The following DOCK2 variants were observed in gnomAD, a reference collection of about 807,000 sequenced individuals.
The protein encoded by DOCK2 is dedicator of cytokinesis 2.
Under a neutral mutation model 248.9 loss-of-function variants are expected in DOCK2, and 87 were observed. The observed-to-expected ratio is 0.35, with a 90% CI of 0.29 to 0.42. DOCK2 has a LOEUF of 0.42. DOCK2 is among the 10% of genes least tolerant of loss of function. The pLI is 1.00. For missense variants in DOCK2, 1,747 were observed against 2,300.2 expected, an observed-to-expected ratio of 0.76 and a Z score of 4.92; for synonymous variants, 805 against 821.6, an observed-to-expected ratio of 0.98 and a Z score of 0.35.
At position 169,637,360 on chromosome 5, in the gene DOCK2, C is replaced by T; in HGVS notation, c.34C>T (p.His12Tyr). ...APWRKADKER[H>Y]GVAIYNFQGS... ...CTGGCGCAAAGCTGACAAGGAGCGG[C>T]ACGGCGTGGGTAGGTGCGGGCCCCA... Residue 12 changes from histidine to tyrosine, a missense_variant, in exon 1 of 52, where the codon CAC becomes TAC. Around this residue, in one of 4 missense-constraint regions of DOCK2, gnomAD observed 375 missense variants for 510.9 expected, o/e 0.73. Transcript: ENST00000520908. 1.4e-6 allele frequency: 2 copies of T among 1,430,196 alleles called. No individual in the cohort carries two copies. Among genetic ancestry groups the T allele is most frequent in the Admixed American group, 2.8e-5 (1 of 35,670 alleles). The allele number at this position is 1,430,196 out of a possible 1,614,324, so 88.6% of individuals were successfully genotyped here. A position where few individuals can be genotyped will look rare whatever the true frequency, so the allele number is the denominator to read the frequency against.
intron 27 of DOCK2, among the ~76,000 whole-genome samples, chr5:169,842,807 GCTCT>G (rs1377247296): frequency 6.6e-6 from 1 of 152,092 alleles, no homozygotes; most frequent in Non-Finnish European, 1.5e-5. Context: ...GTAGAGTGAG[GCTCT>G]CTGTCTTTTG....
intron 27 of DOCK2, among the ~76,000 whole-genome samples, chr5:169,858,677 G>T (rs1475576390): frequency 6.6e-6 from 1 of 152,180 alleles, no homozygotes; most frequent in African/African-American, 2.4e-5. Context: ...TGCAATGATT[G>T]CTTTGGCTGC....
chr5:170,026,677 CA>C (rs1755928911), intron 33 of DOCK2, among the ~76,000 whole-genome samples: 1 of 152,164 alleles, frequency 6.6e-6, no homozygotes, highest in Admixed American at 6.5e-5. Flanking sequence ...TGGGTGACTT[CA>C]AAACAATGCG....
intron 27 of DOCK2, among the ~76,000 whole-genome samples, chr5:169,966,111 G>C (rs1777288296): frequency 6.6e-6 from 1 of 152,226 alleles, no homozygotes; most frequent in Non-Finnish European, 1.5e-5. Flanking sequence ...ATACTTTGAA[G>C]TTGTAAGGCC....
rs76598831 is a variant in DOCK2, at chr5:169,720,196, T to C, written c.2267+1405T>C. 3.4e-3 allele frequency among the ~76,000 whole-genome samples: 518 copies of C among 152,328 alleles called. 26 individuals carry two copies. The East Asian group carries it at 0.08, about 24-fold the overall frequency. On this transcript the variant is annotated intron_variant, in intron 22 of 51. Transcript: ENST00000520908. ...AGTCGGGTATTCTAGGTTTGAGAGA[T>C]ACTTCTCAGTGATTTGGGAAAACCA...
At chr5:169,942,443 C>T (rs983599663) in intron 27 of DOCK2, among the ~76,000 whole-genome samples, 2 of 152,174 alleles carry the variant, frequency 1.3e-5, no homozygotes, top group African/African-American at 4.8e-5. Context: ...TTCATGCACT[C>T]GTCCATGAGC....
intron 2 of DOCK2, among the ~76,000 whole-genome samples, chr5:169,668,919 A>G (rs954026053): frequency 2.0e-5 from 3 of 152,182 alleles, no homozygotes; most frequent in Admixed American, 6.5e-5. Context: ...GGGCCCAGGA[A>G]GGCAATGGAC....
intron 23 of DOCK2, among the ~76,000 whole-genome samples, chr5:169,751,852 C>T (rs1032044463): frequency 2.6e-5 from 4 of 152,122 alleles, no homozygotes; most frequent in African/African-American, 9.7e-5. Context: ...TGTTTTAAAT[C>T]CCACCAGAGA....
chr5:169,714,300 G>T lies in DOCK2; in HGVS notation c.1844-60G>T, dbSNP rs1431695171. On this transcript the variant is annotated intron_variant, in intron 18 of 51. Transcript: ENST00000520908. ...TGTATGTGCTTGCAGACCCAAGGAG[G>T]TCCTGATATGGACAGTTAGGCCAGT... 5 of 1,612,210 alleles carry T rather than the reference G, an allele frequency of 3.1e-6. No individual in the cohort carries two copies. The Admixed American group carries it at 6.7e-5, about 22-fold the overall frequency.
At chr5:169,921,966 A>C (rs1561825736) in intron 27 of DOCK2, among the ~76,000 whole-genome samples, 1 of 152,216 alleles carries the variant, frequency 6.6e-6, no homozygotes, top group African/African-American at 2.4e-5. Flanking sequence ...GGAGAGAATT[A>C]CTTTTATCTG....
At chr5:169,697,568 G>A (rs1305355439) in intron 10 of DOCK2, among the ~76,000 whole-genome samples, 2 of 152,116 alleles carry the variant, frequency 1.3e-5, no homozygotes, top group Non-Finnish European at 2.9e-5. Flanking sequence ...CCTAATCACA[G>A]CCCTGAGGAT....
intron 2 of DOCK2, among the ~76,000 whole-genome samples, chr5:169,668,332 C>T (rs1299122591): frequency 3.3e-5 from 5 of 152,136 alleles, no homozygotes; most frequent in African/African-American, 1.2e-4. Context: ...TTCTGTCACT[C>T]AAAAAGAAGC....
At chr5:169,812,963 C>A (rs956692393) in intron 26 of DOCK2, among the ~76,000 whole-genome samples, 2 of 152,242 alleles carry the variant, frequency 1.3e-5, no homozygotes, top group Admixed American at 1.3e-4. Flanking sequence ...TGCCGGGAAG[C>A]GGCAGATGCT....
At position 169,674,887 on chromosome 5, in the gene DOCK2, T is replaced by C. The variant is rs1411108355; in HGVS notation, c.470+442T>C. Among the ~76,000 whole-genome samples, 5 of 152,168 alleles carry C rather than the reference T, an allele frequency of 3.3e-5. No homozygotes were observed. The East Asian group carries it at 9.6e-4, about 29-fold the overall frequency. ...AATGCACAATTACAAAAATGTTTCC[T>C]CAAAAGGGAAGAGAAGTAAAAATTG... On this transcript the variant is annotated intron_variant, in intron 6 of 51. Coordinates refer to ENST00000520908, the MANE Select transcript of DOCK2 (RefSeq NM_004946.3).
At chr5:169,999,114 C>T (rs1754746097) in intron 30 of DOCK2, among the ~76,000 whole-genome samples, 2 of 152,180 alleles carry the variant, frequency 1.3e-5, no homozygotes, top group African/African-American at 4.8e-5. Context: ...GGATATTTTC[C>T]AAGAGAAGCT....
intron 28 of DOCK2, among the ~76,000 whole-genome samples, 191 bp from the exon 29 acceptor site, chr5:169,985,637 G>T (rs982514746): frequency 6.6e-6 from 1 of 152,124 alleles, no homozygotes; most frequent in Admixed American, 6.5e-5. Context: ...CCATATTCAT[G>T]TTCCACTGAC....
At chr5:169,949,345 C>T (rs560955661) in intron 27 of DOCK2, among the ~76,000 whole-genome samples, 1 of 152,234 alleles carries the variant, frequency 6.6e-6, no homozygotes, top group South Asian at 2.1e-4. Context: ...ACCTGGGAAG[C>T]CTCATGGAGG....
chr5:169,925,220 T>A (rs1048521965), intron 27 of DOCK2, among the ~76,000 whole-genome samples: 2 of 152,172 alleles, frequency 1.3e-5, no homozygotes, highest in African/African-American at 4.8e-5. Flanking sequence ...CAGCCCTAGC[T>A]TAGCTTCAGT....
intron 26 of DOCK2, among the ~76,000 whole-genome samples, chr5:169,814,553 A>G (rs1287774415): frequency 6.6e-6 from 1 of 152,196 alleles, no homozygotes; most frequent in Non-Finnish European, 1.5e-5. Context: ...GACCAATGTG[A>G]ATTTCCTGGT....
Sources: gnomAD v4.1 joint callset for allele counts (sites outside exome capture counted in the v4.1 genomes callset) on GRCh38, gnomAD v4.1.1 for gene constraint, gnomAD v4.1.1 regional missense constraint, MANE v1.5 for transcripts, NCBI Gene and HGNC (gene_info 2026-07-23, HGNC 2026-07-21) for gene names.